The following DIO2 variants were observed in gnomAD, a reference collection of about 807,000 sequenced individuals.
DIO2 encodes the protein iodothyronine deiodinase 2.
A neutral mutation model predicts 21.4 loss-of-function variants in DIO2; 19 were observed. The ratio of observed to expected loss-of-function variants is 0.89; its 90% CI spans 0.62 to 1.30. DIO2 has a LOEUF of 1.30. DIO2 is among the 50% of genes most tolerant of loss of function. The probability of loss-of-function intolerance (pLI) is 0.00; values close to 1 mark genes in which losing one functional copy is unlikely to be tolerated. For synonymous variants in DIO2, 122 were observed against 132.9 expected, an observed-to-expected ratio of 0.92 and a Z score of 0.57; for missense variants, 302 against 338.1, an observed-to-expected ratio of 0.89 and a Z score of 0.84.
At position 80,203,193 on chromosome 14, in the gene DIO2, T is replaced by C; in HGVS notation, c.318A>G (p.Ile106Met). Residue 106 changes from isoleucine to methionine, a missense_variant, in exon 2 of 2, where the codon ATA (isoleucine) becomes ATG (methionine). By Grantham distance (10) the Ile-to-Met change is conservative. Coordinates refer to ENST00000438257, the MANE Select transcript of DIO2 (RefSeq NM_013989.5). ...DNSGNGTQEK[I>M]AEGATCHLLD... ...GAAGGTGGCATGTGGCTCCCTCAGC[T>C]ATCTTCTCCTGGGTACCATTGCCAC... is the stretch of plus-strand genomic sequence containing the variant. The C allele has an allele frequency of 6.2e-7, 1 of 1,609,940 alleles. No homozygotes were observed. Among genetic ancestry groups the C allele is most frequent in the Non-Finnish European group, 8.5e-7 (1 of 1,178,144 alleles).
intron 1 of DIO2, among the ~76,000 whole-genome samples, chr14:80,206,502 G>C (rs1887963478): frequency 6.6e-6 from 1 of 151,874 alleles, no homozygotes; most frequent in Non-Finnish European, 1.5e-5. Context: ...TTCTTGGTTT[G>C]CTGGGTTATG....
At chr14:80,230,350 G>A (rs559825864) in intron 2 of DIO2, among the ~76,000 whole-genome samples, 16 of 152,136 alleles carry the variant, frequency 1.1e-4, no homozygotes, top group Admixed American at 2.0e-4. Flanking sequence ...TCAGCCACTC[G>A]TATAATATGA....
At chr14:80,219,744 A>T (rs961427407) in intron 2 of DIO2, among the ~76,000 whole-genome samples, 1 of 152,192 alleles carries the variant, frequency 6.6e-6, no homozygotes, top group African/African-American at 2.4e-5. Context: ...AGAAAGAATT[A>T]CCCAAATCTG....
intron 2 of DIO2, among the ~76,000 whole-genome samples, chr14:80,226,596 C>T (rs1888581352): frequency 6.6e-6 from 1 of 152,204 alleles, no homozygotes. Context: ...ACCAAGAACT[C>T]AGTGTTGGTC....
Position 80,199,588 on chromosome 14 carries a change from T to C in DIO2, c.*3101A>G, listed in dbSNP as rs180882142. 4 of 152,610 alleles carry C rather than the reference T, an allele frequency of 2.6e-5. No homozygotes were observed. The highest frequency in any genetic ancestry group is 9.6e-5 in the African/African-American group (4 of 41,576). The allele number at this position is 152,610 out of a possible 1,614,324, so 9.5% of individuals were successfully genotyped here. On this transcript the variant is annotated 3_prime_UTR_variant, in exon 2 of 2. Coordinates refer to ENST00000438257, the MANE Select transcript of DIO2 (RefSeq NM_013989.5). ...CATTCATGCCCATTCAAGAAAATCA[T>C]TGTTGATCCCACTAGTATTTTCACT...
In DIO2 at chr14:80,199,494, G is replaced by T. The variant is rs557304889; in HGVS notation, c.*3195C>A. 2.2e-4 allele frequency: 33 copies of T among 152,308 alleles called. No individual in the cohort carries two copies. Among genetic ancestry groups the T allele is most frequent in the African/African-American group, 7.9e-4 (33 of 41,574 alleles). The allele number at this position is 152,308 out of a possible 1,614,324, so 9.4% of individuals were successfully genotyped here. ...ACAAAGTAGGAACAGTTACTAATCT[G>T]CCTCTAAGGAGGTCAGTTACATTTT... On this transcript the variant is annotated 3_prime_UTR_variant, in exon 2 of 2. Transcript: ENST00000438257.
At chr14:80,215,116 T>A (rs117159269), upstream of DIO2, among the ~76,000 whole-genome samples, 1 of 152,330 alleles carries the variant, frequency 6.6e-6, no homozygotes, top group South Asian at 2.1e-4. Flanking sequence ...TATGTGTTCT[T>A]AGCAATCAAC....
At chr14:80,206,694 A>G (rs1015004915) in intron 1 of DIO2, among the ~76,000 whole-genome samples, 1 of 152,102 alleles carries the variant, frequency 6.6e-6, no homozygotes, top group Non-Finnish European at 1.5e-5. Context: ...ATCCCCTGGT[A>G]CTCCCAAACT....
chr14:80,219,555 A>G (rs1888425389), intron 2 of DIO2: 1 of 149,086 alleles, frequency 6.7e-6, no homozygotes, highest in African/African-American at 2.5e-5. Flanking sequence ...TACAACAAAC[A>G]TTTGTCGAAA....
At chr14:80,210,656 A>G (rs560785669) in intron 1 of DIO2, among the ~76,000 whole-genome samples, 2 of 152,120 alleles carry the variant, frequency 1.3e-5, no homozygotes, top group East Asian at 1.9e-4. Flanking sequence ...AAAGGGTTCA[A>G]ATTTGAATCA....
intron 2 of DIO2, among the ~76,000 whole-genome samples, chr14:80,224,496 TACAC>T (rs59545805): frequency 0.013 from 1,800 of 138,482 alleles, 32 homozygotes; most frequent in Middle Eastern, 0.038. Flanking sequence ...AGAGAGATAC[TACAC>T]ACACACACAC....
chr14:80,212,646 T>C (rs1185691465), upstream of DIO2, among the ~76,000 whole-genome samples: 3 of 152,176 alleles, frequency 2.0e-5, no homozygotes, highest in Non-Finnish European at 4.4e-5. Context: ...TATACCTTTA[T>C]ACCATGACTC....
chr14:80,205,476 G>T (rs147449827), intron 1 of DIO2: 2 of 524,500 alleles, frequency 3.8e-6, no homozygotes, highest in African/African-American at 4.3e-5. Context: ...CAATTATGTG[G>T]CCTTGACAAA....
chr14:80,230,472 A>C (rs1019338109), intron 2 of DIO2, among the ~76,000 whole-genome samples: 2 of 152,188 alleles, frequency 1.3e-5, no homozygotes, highest in African/African-American at 4.8e-5. Context: ...GCCAGGAGAC[A>C]GAATCCCTGA....
rs1012270373 is a variant in DIO2, at chr14:80,230,627, G to T, written c.-277-13890C>A. Among the ~76,000 whole-genome samples the T allele has an allele frequency of 2.0e-5, 3 of 152,264 alleles. No homozygotes were observed. The South Asian group carries it at 6.2e-4, about 32-fold the overall frequency. On this transcript the variant is annotated intron_variant, in intron 2 of 4. Transcript: ENST00000553594. Reference sequence around the variant, plus strand: ...TTACCTCTCATGAGCTGTGAATCAGGAGTGGCAAATGCATTAATTTTGCAT... The same window carrying T: ...TTACCTCTCATGAGCTGTGAATCAGTAGTGGCAAATGCATTAATTTTGCAT...
chr14:80,228,278 G>T (rs984570150), intron 2 of DIO2, among the ~76,000 whole-genome samples: 3 of 152,216 alleles, frequency 2.0e-5, no homozygotes, highest in African/African-American at 7.2e-5. Context: ...GAGCCTTATG[G>T]ACAGGAATGG....
Position 80,199,011 on chromosome 14 carries a change from T to C in DIO2, c.*3678A>G, listed in dbSNP as rs983575497. 1 of 152,248 alleles carries C rather than the reference T, an allele frequency of 6.6e-6. No homozygotes were observed. The highest frequency in any genetic ancestry group is 2.4e-5 in the African/African-American group (1 of 41,460). 9.4% of individuals were successfully genotyped at this position (152,248 alleles called of 1,614,324 possible). A position where few individuals can be genotyped will look rare whatever the true frequency, so the allele number is the denominator to read the frequency against. On this transcript the variant is annotated 3_prime_UTR_variant, in exon 2 of 2. Transcript: ENST00000438257. ...AGGTCGGGTGGAACAAATGTCCAGA[T>C]TCATCCATCCTCTTAAGATTGACAT...
chr14:80,221,061 G>A (rs527687147), intron 2 of DIO2, among the ~76,000 whole-genome samples: 20 of 152,238 alleles, frequency 1.3e-4, no homozygotes, highest in African/African-American at 2.9e-4. Context: ...ATATGCAAAA[G>A]TAGAATGATG....
chr14:80,217,911 G>A (rs982146199), intron 2 of DIO2, among the ~76,000 whole-genome samples: 7 of 152,180 alleles, frequency 4.6e-5, no homozygotes, highest in African/African-American at 2.4e-5. Context: ...GAGATGTCAC[G>A]TTCTGGTGGA....
Sources: allele counts gnomAD v4.1 joint callset (sites outside exome capture counted in the v4.1 genomes callset), GRCh38; gene constraint gnomAD v4.1.1; transcripts MANE v1.5; gene names NCBI Gene and HGNC (gene_info 2026-07-23, HGNC 2026-07-21).